Variants in SULT1C3 observed in about 807,000 individuals in gnomAD.
SULT1C3 encodes the protein sulfotransferase 1C3.
A neutral mutation model predicts 28.4 loss-of-function variants in SULT1C3; 31 were observed. The ratio of observed to expected loss-of-function variants is 1.09; its 90% CI spans 0.82 to 1.47. The LOEUF (loss-of-function observed/expected upper bound fraction) is 1.47. Ranked by LOEUF, SULT1C3 falls within the 40% of genes most tolerant of loss-of-function variation. The pLI is 0.00. For missense variants in SULT1C3, 307 were observed against 272.5 expected (o/e 1.13, Z -0.89); for synonymous variants, 106 against 92.2 (o/e 1.15, Z -0.86).
intron 2 of SULT1C3, among the ~76,000 whole-genome samples, chr2:108,251,766 G>A (rs1236264380): frequency 6.6e-6 from 1 of 151,940 alleles, no homozygotes; most frequent in African/African-American, 2.4e-5. Context: ...TCTAAGCTGA[G>A]ACAAAAAGGA....
At chr2:108,254,040 C>A (rs1432017561) in intron 4 of SULT1C3, among the ~76,000 whole-genome samples, 1 of 151,992 alleles carries the variant, frequency 6.6e-6, no homozygotes, top group African/African-American at 2.4e-5. Context: ...TGTCAGCCTG[C>A]CTCTAGACCT....
At chr2:108,258,667 TA>T (rs1651917080) in intron 5 of SULT1C3, 66 bp from the exon 6 acceptor site, 1 of 1,145,606 alleles carries the variant, frequency 8.7e-7, no homozygotes, top group Non-Finnish European at 1.3e-6. Flanking sequence ...AAAGGAGCAC[TA>T]ATTTACTTTA....
intron 5 of SULT1C3, among the ~76,000 whole-genome samples, chr2:108,257,391 A>C (rs1289197939): frequency 6.6e-6 from 1 of 152,052 alleles, no homozygotes; most frequent in Non-Finnish European, 1.5e-5. Flanking sequence ...ATATATGTAC[A>C]TTTATCTATA....
At chr2:108,254,714 T>C (rs1247729560) in intron 4 of SULT1C3, among the ~76,000 whole-genome samples, 1 of 148,908 alleles carries the variant, frequency 6.7e-6, no homozygotes, top group Admixed American at 6.7e-5. Context: ...TATATATATG[T>C]ATGTATATAT....
chr2:108,251,235 T>C (rs1675718924), intron 2 of SULT1C3, among the ~76,000 whole-genome samples: 1 of 151,964 alleles, frequency 6.6e-6, no homozygotes. Context: ...ACCTAATAAA[T>C]AGAGAAGTGA....
At chr2:108,265,291 T>C (rs146901262), downstream of SULT1C3, 1 of 1,613,840 alleles carries the variant, frequency 6.2e-7, no homozygotes, top group African/African-American at 1.3e-5. Flanking sequence ...ATGAAGAATT[T>C]GACAAGGACT....
At chr2:108,249,243 A>T (rs555037628) in intron 2 of SULT1C3, among the ~76,000 whole-genome samples, 1 of 152,202 alleles carries the variant, frequency 6.6e-6, no homozygotes, top group African/African-American at 2.4e-5. Flanking sequence ...AGCTTGTGGT[A>T]ATTTGTTAAC....
chr2:108,247,059 C>A, intron 1 of SULT1C3, 129 bp from the exon 2 acceptor site: 1 of 586,508 alleles, frequency 1.7e-6, no homozygotes, highest in Non-Finnish European at 2.6e-6. Flanking sequence ...AAGTTGTTAG[C>A]ATGTTATATG....
At chr2:108,264,900 A>C (rs751297196), downstream of SULT1C3, 26 of 1,613,922 alleles carry the variant, frequency 1.6e-5, no homozygotes, top group Non-Finnish European at 2.1e-5. Context: ...GAATAAAATC[A>C]TCTATCACAC....
At position 108,253,371 on chromosome 2, in the gene SULT1C3, T is replaced by A. The variant is rs776945370; in HGVS notation, c.328T>A (p.Ser110Thr). The change falls in exon 4 of 8, where the codon TCA (serine) becomes ACA (threonine). Residue 110 changes from serine to threonine, a missense_variant. Ser to Thr is a moderately conservative substitution (Grantham distance 58). Coordinates refer to ENST00000681802, the MANE Select transcript of SULT1C3 (RefSeq NM_001320878.2). Reference protein sequence around the residue: ...PDLEFVLEMSSPQLIKTHLPS... With the variant: ...PDLEFVLEMSTPQLIKTHLPS... ...TTTGGAGTTCGTTCTTGAAATGTCC[T>A]CACCACAACTGATAAAAACACATCT... 3 of 1,562,278 alleles carry A rather than the reference T, an allele frequency of 1.9e-6. No individual in the cohort carries two copies. In the Admixed American group the frequency reaches 5.9e-5, roughly 31 times the overall value.
intron 1 of SULT1C3, among the ~76,000 whole-genome samples, chr2:108,240,680 A>G (rs946963367): frequency 2.0e-5 from 3 of 152,210 alleles, no homozygotes; most frequent in Non-Finnish European, 4.4e-5. Flanking sequence ...AGGAGATACC[A>G]CTTGATTCAC....
At chr2:108,249,966 T>C (rs1486937188) in intron 2 of SULT1C3, among the ~76,000 whole-genome samples, 2 of 152,016 alleles carry the variant, frequency 1.3e-5, no homozygotes, top group East Asian at 1.9e-4. Flanking sequence ...ATTAAATCTC[T>C]AAAACTATGG....
intron 1 of SULT1C3, among the ~76,000 whole-genome samples, chr2:108,240,954 T>C (rs1195420776): frequency 6.6e-6 from 1 of 152,226 alleles, no homozygotes; most frequent in African/African-American, 2.4e-5. Context: ...TTGAAGAAAC[T>C]GTTCCACAAG....
rs376067109 is a variant in SULT1C3 at position 108,252,394 on chromosome 2, A to G, written c.202A>G (p.Met68Val). Residue 68 changes from methionine (M) to valine (V), a missense_variant, in exon 3 of 8, where the codon ATG (methionine) becomes GTG (valine). Transcript: ENST00000681802. ...AACATGGATGCATGAAATTTTAGACATGATTCTAAATGATGGTGATGTGGA... is the reference window on the plus strand; with the variant it reads ...AACATGGATGCATGAAATTTTAGACGTGATTCTAAATGATGGTGATGTGGA... ...GTTWMHEILD[M>V]ILNDGDVEKC... 1.6e-5 allele frequency: 25 copies of G among 1,610,844 alleles called. No homozygotes were observed. Among genetic ancestry groups the G allele is most frequent in the South Asian group, 1.2e-4 (11 of 90,622 alleles).
intron 5 of SULT1C3, among the ~76,000 whole-genome samples, chr2:108,256,573 G>A (rs1415145772): frequency 2.0e-5 from 3 of 152,100 alleles, no homozygotes; most frequent in African/African-American, 7.2e-5. Flanking sequence ...TGGGTGAGTT[G>A]TGATGCTGAG....
chr2:108,248,987 T>C (rs1236127322), intron 2 of SULT1C3, among the ~76,000 whole-genome samples: 1 of 152,146 alleles, frequency 6.6e-6, no homozygotes, highest in African/African-American at 2.4e-5. Context: ...TGATTATAGA[T>C]TTAATGATGA....
intron 2 of SULT1C3, among the ~76,000 whole-genome samples, chr2:108,249,054 T>C (rs1239506534): frequency 2.6e-5 from 4 of 152,146 alleles, no homozygotes; most frequent in Non-Finnish European, 5.9e-5. Flanking sequence ...AGCAACTGAA[T>C]TCTGTTGGCA....
intron 1 of SULT1C3, among the ~76,000 whole-genome samples, chr2:108,242,773 G>T (rs1478380634): frequency 1.3e-5 from 2 of 152,074 alleles, no homozygotes; most frequent in Admixed American, 6.5e-5. Context: ...CCCAAAACAG[G>T]GTCTGTGGCA....
intron 4 of SULT1C3, 97 bp downstream of exon 4, chr2:108,253,539 T>C: frequency 1.6e-6 from 1 of 639,590 alleles, no homozygotes; most frequent in Non-Finnish European, 2.3e-6. Context: ...AAAAATATTT[T>C]CCAAAATATA....
Sources: allele counts gnomAD v4.1 joint callset (sites outside exome capture counted in the v4.1 genomes callset), GRCh38; gene constraint gnomAD v4.1.1; transcripts MANE v1.5; gene names NCBI Gene and HGNC (gene_info 2026-07-23, HGNC 2026-07-21).